LMLN: variants seen among roughly 807,000 people sequenced by gnomAD.
LMLN encodes the protein leishmanolysin like peptidase.
A neutral mutation model predicts 92.3 loss-of-function variants in LMLN; 70 were observed. The observed-to-expected ratio is 0.76, with a 90% CI of 0.63 to 0.92. The LOEUF (loss-of-function observed/expected upper bound fraction) is 0.92. LMLN is among the 40% of genes least tolerant of loss of function. The pLI is 0.00. For missense variants in LMLN, 691 were observed against 814.6 expected (o/e 0.85, Z 1.85); for synonymous variants, 308 against 296.2 (o/e 1.04, Z -0.41).
exon 16 of LMLN, chr3:198,038,926 CAGCAACCCAACCACCTCG>C: frequency 2.8e-6 from 1 of 363,148 alleles, no homozygotes; most frequent in South Asian, 3.4e-5. Context: ...ACCACCTCGT[CAGCAACCCAACCACCTCG>C]TCAGCAACCC....
At chr3:198,018,574 T>C (rs761777021) in intron 11 of LMLN, among the ~76,000 whole-genome samples, 1 of 152,226 alleles carries the variant, frequency 6.6e-6, no homozygotes, top group Admixed American at 6.5e-5. Context: ...TCCCTAAAGA[T>C]GTATGCTGAG....
chr3:198,020,132 A>G (rs549514271), intron 12 of LMLN, among the ~76,000 whole-genome samples: 28 of 152,250 alleles, frequency 1.8e-4, no homozygotes, highest in African/African-American at 6.5e-4. Context: ...AAGCGCTGGG[A>G]TTACAGGTGT....
At chr3:197,976,987 A>T (rs889112359) in intron 5 of LMLN, among the ~76,000 whole-genome samples, 5 of 152,316 alleles carry the variant, frequency 3.3e-5, no homozygotes, top group African/African-American at 1.2e-4. Context: ...TGTCTTCCAA[A>T]ATATCTTTTA....
chr3:198,027,657 G>C lies in LMLN; in HGVS notation c.1656+2869G>C, dbSNP rs530077273. On this transcript the variant is annotated intron_variant, in intron 14 of 15. Transcript: ENST00000330198. ...CTTTTACTTAGCGTGGCATTCTCAG[G>C]GTTCATCCACATTGTGCCATGTATC... 7.2e-5 allele frequency among the ~76,000 whole-genome samples: 11 copies of C among 152,114 alleles called. No homozygotes were observed. The South Asian group carries it at 2.1e-3, about 29-fold the overall frequency.
intron 11 of LMLN, among the ~76,000 whole-genome samples, chr3:198,002,351 G>A (rs914690540): frequency 6.6e-5 from 10 of 151,982 alleles, no homozygotes; most frequent in Middle Eastern, 3.2e-3. Context: ...GGCTGGTCTC[G>A]AACTCCCAAC....
chr3:197,960,718 C>T (rs1053183949), intron 1 of LMLN, among the ~76,000 whole-genome samples: 23 of 152,146 alleles, frequency 1.5e-4, no homozygotes, highest in African/African-American at 5.6e-4. Context: ...AGTCACCCGA[C>T]GCACATGGTA....
chr3:198,013,190 T>C (rs1722502759), intron 11 of LMLN, among the ~76,000 whole-genome samples: 1 of 117,658 alleles, frequency 8.5e-6, no homozygotes, highest in Non-Finnish European at 1.6e-5. Context: ...CCCTAACTAG[T>C]CTGACTTCTC....
chr3:198,011,680 A>G (rs1722445978), intron 11 of LMLN, among the ~76,000 whole-genome samples: 1 of 151,286 alleles, frequency 6.6e-6, no homozygotes, highest in East Asian at 1.9e-4. Flanking sequence ...CTAGTTCTAG[A>G]TCCCTGAGGA....
intron 9 of LMLN, among the ~76,000 whole-genome samples, chr3:197,993,815 T>G (rs1024422065): frequency 6.6e-6 from 1 of 152,108 alleles, no homozygotes; most frequent in Non-Finnish European, 1.5e-5. Context: ...AGAACAAAGC[T>G]GTTCAGGCAG....
chr3:197,966,936 G>A (rs1468153184), intron 1 of LMLN, among the ~76,000 whole-genome samples: 1 of 152,082 alleles, frequency 6.6e-6, no homozygotes, highest in Non-Finnish European at 1.5e-5. Flanking sequence ...TAGGATTACA[G>A]GTGAGAGCCA....
At chr3:197,984,975 G>T (rs1001688558) in intron 7 of LMLN, among the ~76,000 whole-genome samples, 1 of 152,078 alleles carries the variant, frequency 6.6e-6, no homozygotes, top group Non-Finnish European at 1.5e-5. Context: ...ACCGCGCCCA[G>T]CCCTTCTGCT....
In LMLN at chr3:197,974,486, A is replaced by T; in HGVS notation, c.317+12A>T. The T allele has an allele frequency of 8.0e-7, 1 of 1,257,280 alleles. No homozygotes were observed. Among genetic ancestry groups the T allele is most frequent in the Non-Finnish European group, 1.1e-6 (1 of 898,054 alleles). 77.9% of individuals were successfully genotyped at this position (1,257,280 alleles called of 1,614,324 possible). ...AAAAGTGTTGAAGAGTAAGTACACC[A>T]TTGTATTGTCATCTTTTTCATTATT... is the stretch of plus-strand genomic sequence containing the variant. On this transcript the variant is annotated intron_variant, in intron 2 of 15. Transcript: ENST00000330198.
At chr3:198,022,190 T>G (rs1722801165) in intron 13 of LMLN, among the ~76,000 whole-genome samples, 1 of 152,218 alleles carries the variant, frequency 6.6e-6, no homozygotes, top group Admixed American at 6.5e-5. Flanking sequence ...AGCAAAACAA[T>G]GTTCTTGTCT....
intron 11 of LMLN, among the ~76,000 whole-genome samples, chr3:198,014,645 C>A (rs886125011): frequency 3.0e-4 from 39 of 131,184 alleles, no homozygotes; most frequent in Non-Finnish European, 4.4e-4. Context: ...TGACTTCTCT[C>A]CACCCTTCAG....
At chr3:197,976,381 G>A in intron 4 of LMLN, 1 of 493,600 alleles carries the variant, frequency 2.0e-6, no homozygotes, top group Non-Finnish European at 3.7e-6. Context: ...CTTTCATGTG[G>A]ATACAGTGTT....
intron 11 of LMLN, among the ~76,000 whole-genome samples, chr3:198,012,688 C>G (rs1486723061): frequency 4.0e-5 from 6 of 151,080 alleles, no homozygotes; most frequent in Admixed American, 1.3e-4. Flanking sequence ...TTCTCTGTAC[C>G]CTTCAGAGTC....
intron 1 of LMLN, among the ~76,000 whole-genome samples, chr3:197,962,450 A>G (rs1387010434): frequency 6.6e-6 from 1 of 152,348 alleles, no homozygotes; most frequent in African/African-American, 2.4e-5. Context: ...ATTCTTGTAC[A>G]GTAATTTTTG....
chr3:198,030,181 A>G (rs1008556686), intron 14 of LMLN, among the ~76,000 whole-genome samples: 9 of 152,106 alleles, frequency 5.9e-5, no homozygotes, highest in South Asian at 2.1e-4. Flanking sequence ...TTATTCTTTC[A>G]TAAGGTTTGA....
At chr3:197,960,291 C>A (rs1720815630) in exon 1 of LMLN, 1 of 1,613,784 alleles carries the variant, frequency 6.2e-7, no homozygotes, top group Non-Finnish European at 8.5e-7. Flanking sequence ...GGGCTCAGGC[C>A]CGGGCCGGAG....
Sources: allele counts gnomAD v4.1 joint callset (sites outside exome capture counted in the v4.1 genomes callset), GRCh38; gene constraint gnomAD v4.1.1; transcripts MANE v1.5; gene names NCBI Gene and HGNC (gene_info 2026-07-23, HGNC 2026-07-21).